Variants in ALK observed in about 807,000 individuals in gnomAD.
ALK encodes the protein ALK tyrosine kinase receptor.
A neutral mutation model predicts 163.1 loss-of-function variants in ALK; 74 were observed. The observed-to-expected ratio is 0.45, with a 90% confidence interval of 0.38 to 0.55. The LOEUF is 0.55. Among genes scored for constraint, ALK ranks in the 20% least tolerant of loss-of-function variants. The probability of loss-of-function intolerance (pLI) is 0.00; values close to 1 mark genes in which losing one functional copy is unlikely to be tolerated. For missense variants in ALK, 2,063 were observed against 2,105.3 expected (o/e 0.98, Z 0.39); for synonymous variants, 960 against 843.2 (o/e 1.14, Z -2.40).
At chr2:29,361,087 G>A (rs542089301) in intron 5 of ALK, among the ~76,000 whole-genome samples, 46 of 152,190 alleles carry the variant, frequency 3.0e-4, no homozygotes, top group Admixed American at 5.2e-4. Context: ...TTTTTGGGGC[G>A]TCTCTCTCAG....
At chr2:29,658,035 GGGA>G (rs1677238699) in intron 3 of ALK, among the ~76,000 whole-genome samples, 2 of 152,214 alleles carry the variant, frequency 1.3e-5, no homozygotes, top group East Asian at 3.9e-4. Flanking sequence ...GTCCTGTTCC[GGGA>G]GGAGAAGGGA....
intron 4 of ALK, among the ~76,000 whole-genome samples, chr2:29,386,667 G>T (rs1195644322): frequency 6.6e-6 from 1 of 152,178 alleles, no homozygotes; most frequent in African/African-American, 2.4e-5. Flanking sequence ...GGATAAATGT[G>T]TCAAGAGTTT....
intron 4 of ALK, among the ~76,000 whole-genome samples, chr2:29,430,602 T>G (rs903788341): frequency 6.6e-6 from 1 of 152,198 alleles, no homozygotes; most frequent in Non-Finnish European, 1.5e-5. Context: ...TGCCCACTCA[T>G]GCCCTAGAGC....
At chr2:29,844,085 T>C (rs1665775327) in intron 1 of ALK, among the ~76,000 whole-genome samples, 1 of 152,210 alleles carries the variant, frequency 6.6e-6, no homozygotes, top group South Asian at 2.1e-4. Context: ...TGATCTGTTG[T>C]ATAAGTTCTG....
At chr2:29,860,510 C>G (rs867940724) in intron 1 of ALK, among the ~76,000 whole-genome samples, 6 of 152,034 alleles carry the variant, frequency 3.9e-5, no homozygotes, top group Middle Eastern at 6.8e-3. Context: ...TGGACACAAA[C>G]TAAGACTTTA....
chr2:29,552,354 G>A (rs879721066), intron 3 of ALK, among the ~76,000 whole-genome samples: 5 of 151,954 alleles, frequency 3.3e-5, no homozygotes, highest in African/African-American at 4.8e-5. Context: ...AATTTTTGGG[G>A]GTGTATATGC....
At chr2:29,733,962 C>G (rs1038615824) in intron 1 of ALK, among the ~76,000 whole-genome samples, 1 of 152,144 alleles carries the variant, frequency 6.6e-6, no homozygotes, top group Non-Finnish European at 1.5e-5. Flanking sequence ...GAGGGGCCAA[C>G]AGTAGATGGC....
At chr2:29,915,217 T>G (rs1303577402) in intron 1 of ALK, among the ~76,000 whole-genome samples, 1 of 152,130 alleles carries the variant, frequency 6.6e-6, no homozygotes, top group Non-Finnish European at 1.5e-5. Flanking sequence ...TCAGGCCAGT[T>G]CCTCCTGATT....
At chr2:29,725,625 T>C (rs1432595160) in intron 1 of ALK, among the ~76,000 whole-genome samples, 1 of 152,164 alleles carries the variant, frequency 6.6e-6, no homozygotes. Context: ...CTGTTGTTTA[T>C]GTTGATTTCT....
chr2:29,441,327 A>G lies in ALK; in HGVS notation c.1155-57468T>C, dbSNP rs114891061. On this transcript the variant is annotated intron_variant, in intron 4 of 28. Coordinates refer to ENST00000389048, the MANE Select transcript of ALK (RefSeq NM_004304.5). Reference sequence around the variant, plus strand: ...TTAGGTGCCTCTGGGGGAATCACAGAGTGGGCATTAGCCTGCTAGGGCTCG... The same window carrying G: ...TTAGGTGCCTCTGGGGGAATCACAGGGTGGGCATTAGCCTGCTAGGGCTCG... 7.0e-3 allele frequency among the ~76,000 whole-genome samples: 1,062 copies of G among 152,298 alleles called. 22 individuals are homozygous for G. The highest frequency in any genetic ancestry group is 0.025 in the African/African-American group (1,026 of 41,568).
chr2:29,546,291 G>A (rs1573446023), intron 3 of ALK, among the ~76,000 whole-genome samples: 1 of 152,082 alleles, frequency 6.6e-6, no homozygotes, highest in African/African-American at 2.4e-5. Flanking sequence ...TACTGCATGC[G>A]TGCCCTGGGG....
At chr2:29,226,657 G>C (rs968012786) in intron 18 of ALK, among the ~76,000 whole-genome samples, 1 of 152,106 alleles carries the variant, frequency 6.6e-6, no homozygotes, top group African/African-American at 2.4e-5. Context: ...CCCTGTCACT[G>C]GGCATGTTTA....
At chr2:29,296,372 G>A (rs989326326) in intron 9 of ALK, among the ~76,000 whole-genome samples, 3 of 152,182 alleles carry the variant, frequency 2.0e-5, no homozygotes, top group African/African-American at 4.8e-5. Flanking sequence ...TCCCAATTCC[G>A]ATTCCAACTT....
chr2:29,333,332 T>C (rs1016609389), intron 5 of ALK, among the ~76,000 whole-genome samples: 1 of 152,154 alleles, frequency 6.6e-6, no homozygotes, highest in Non-Finnish European at 1.5e-5. Flanking sequence ...GCCAGGCTGG[T>C]CTTGAACTCC....
chr2:29,732,214 T>C (rs1679764568), intron 1 of ALK, among the ~76,000 whole-genome samples: 1 of 152,236 alleles, frequency 6.6e-6, no homozygotes, highest in Non-Finnish European at 1.5e-5. Context: ...AAAATGACAA[T>C]TTATTACATA....
chr2:29,306,011 A>G (rs1399365903), intron 8 of ALK, among the ~76,000 whole-genome samples: 3 of 151,590 alleles, frequency 2.0e-5, no homozygotes, highest in African/African-American at 7.3e-5. Context: ...ATACAGATGA[A>G]GTTTTGCTCA....
At chr2:29,563,714 C>T (rs943332583) in intron 3 of ALK, among the ~76,000 whole-genome samples, 3 of 152,206 alleles carry the variant, frequency 2.0e-5, no homozygotes, top group Admixed American at 1.3e-4. Flanking sequence ...ACTGTTCTTG[C>T]TTATCTCTGC....
intron 1 of ALK, among the ~76,000 whole-genome samples, chr2:29,877,560 A>G (rs1289116193): frequency 6.6e-6 from 1 of 152,212 alleles, no homozygotes; most frequent in Non-Finnish European, 1.5e-5. Context: ...ATCACATAGT[A>G]GGTATTAAGT....
At chr2:29,722,236 T>C (rs1679442196) in intron 1 of ALK, among the ~76,000 whole-genome samples, 1 of 152,250 alleles carries the variant, frequency 6.6e-6, no homozygotes, top group Admixed American at 6.5e-5. Flanking sequence ...TGGCTGAGTA[T>C]TATATTTTAT....
Sources: gnomAD v4.1 joint callset for allele counts (sites outside exome capture counted in the v4.1 genomes callset) on GRCh38, gnomAD v4.1.1 for gene constraint, MANE v1.5 for transcripts, NCBI Gene and HGNC (gene_info 2026-07-23, HGNC 2026-07-21) for gene names.